The following KCNJ6 variants were observed in gnomAD, a reference collection of about 807,000 sequenced individuals.
KCNJ6 encodes the protein G protein-activated inward rectifier potassium channel 2.
KCNJ6 carries 9 observed loss-of-function variants against 34.2 expected under a neutral mutation model. The ratio of observed to expected loss-of-function variants is 0.26; its 90% CI spans 0.16 to 0.46. KCNJ6 has a LOEUF of 0.46. Ranked by LOEUF, KCNJ6 falls within the 20% of genes least tolerant of loss-of-function variation. The pLI, the probability that KCNJ6 is intolerant of heterozygous loss-of-function variation, is 1.00. For synonymous variants in KCNJ6, 196 were observed against 207.1 expected, an observed-to-expected ratio of 0.95 and a Z score of 0.46; for missense variants, 236 against 531.3, an observed-to-expected ratio of 0.44 and a Z score of 5.46.
Position 37,915,395 on chromosome 21 carries a change from C to G in KCNJ6, c.-28+489G>C, listed in dbSNP as rs114844861. On this transcript the variant is annotated intron_variant, in intron 1 of 3. Transcript: ENST00000609713. ...TTACAGTATTCTGTTTCCCATTCTC[C>G]GCATGTTTCTCCCCAACCCTCACTT... Among the ~76,000 whole-genome samples, 247 of 152,242 alleles carry G rather than the reference C, an allele frequency of 1.6e-3. 3 individuals carry two copies. The highest frequency in any genetic ancestry group is 5.6e-3 in the African/African-American group (233 of 41,528).
At position 37,608,397 on chromosome 21, in the gene KCNJ6, A is replaced by G. The variant is rs770009178; in HGVS notation, c.*16762T>C. ...AATCTTGAATTCCTGGGCTCAAGCA[A>G]TCCTCCCACCTTGGCCTCTCAAAGT... On this transcript the variant is annotated 3_prime_UTR_variant, in exon 4 of 4. Coordinates refer to ENST00000609713, the MANE Select transcript of KCNJ6 (RefSeq NM_002240.5). The G allele has an allele frequency of 6.6e-6, 1 of 152,168 alleles. No individual in the cohort carries two copies. The highest frequency in any genetic ancestry group is 6.5e-5 in the Admixed American group (1 of 15,268). The allele number at this position is 152,168 out of a possible 1,614,324, so 9.4% of individuals were successfully genotyped here.
intron 2 of KCNJ6, among the ~76,000 whole-genome samples, chr21:37,727,855 C>T (rs1350448126): frequency 6.6e-6 from 1 of 152,046 alleles, no homozygotes; most frequent in Non-Finnish European, 1.5e-5. Flanking sequence ...TTCAAGAATG[C>T]TCTATTTCAG....
chr21:37,708,349 G>A (rs183941818), intron 3 of KCNJ6, among the ~76,000 whole-genome samples: 4 of 152,284 alleles, frequency 2.6e-5, no homozygotes, highest in East Asian at 1.9e-4. Context: ...AGAACACAGT[G>A]TCCCCAAGCT....
intron 1 of KCNJ6, among the ~76,000 whole-genome samples, chr21:37,851,374 T>C (rs1001220739): frequency 1.1e-4 from 17 of 152,232 alleles, no homozygotes; most frequent in African/African-American, 3.6e-4. Flanking sequence ...TCTGTGTCAA[T>C]AGTTATAAAA....
At chr21:37,823,119 G>A (rs373068847) in intron 2 of KCNJ6, among the ~76,000 whole-genome samples, 275 of 152,208 alleles carry the variant, frequency 1.8e-3, no homozygotes, top group African/African-American at 6.4e-3. Context: ...GGAGAGAGAT[G>A]GCAGGCAGGC....
intron 2 of KCNJ6, among the ~76,000 whole-genome samples, 164 bp from the exon 3 acceptor site, chr21:37,715,295 C>CTAGTTGA (rs1171472597): frequency 1.3e-5 from 2 of 152,218 alleles, no homozygotes; most frequent in Non-Finnish European, 2.9e-5. Context: ...GGATAGGCCT[C>CTAGTTGA]TAGTTGACTT....
At chr21:37,865,747 C>T (rs1181723326) in intron 1 of KCNJ6, among the ~76,000 whole-genome samples, 1 of 152,184 alleles carries the variant, frequency 6.6e-6, no homozygotes, top group African/African-American at 2.4e-5. Context: ...AATTTGGTGA[C>T]TGGGGACTTC....
intron 2 of KCNJ6, among the ~76,000 whole-genome samples, chr21:37,729,287 G>A (rs2054871488): frequency 6.6e-6 from 1 of 151,674 alleles, no homozygotes; most frequent in Admixed American, 6.6e-5. Flanking sequence ...GTCACTCTGG[G>A]CTGGATAAAG....
intron 2 of KCNJ6, among the ~76,000 whole-genome samples, chr21:37,716,174 G>A (rs1376854250): frequency 3.3e-5 from 5 of 152,062 alleles, no homozygotes; most frequent in South Asian, 2.1e-4. Context: ...AAATTTCAGG[G>A]TTTAAAAAAC....
intron 3 of KCNJ6, among the ~76,000 whole-genome samples, chr21:37,654,586 T>C (rs866423656): frequency 1.3e-5 from 2 of 152,076 alleles, no homozygotes; most frequent in African/African-American, 2.4e-5. Context: ...CTGGCCACCA[T>C]GCAGGGCCTG....
intron 1 of KCNJ6, among the ~76,000 whole-genome samples, chr21:37,862,232 A>G (rs1034095197): frequency 6.6e-6 from 1 of 152,188 alleles, no homozygotes; most frequent in Non-Finnish European, 1.5e-5. Context: ...TCCCCCAAAC[A>G]TTGTGTGTGA....
chr21:37,793,158 GT>G (rs1224426218), intron 2 of KCNJ6, among the ~76,000 whole-genome samples: 2 of 152,310 alleles, frequency 1.3e-5, no homozygotes, highest in East Asian at 3.9e-4. Context: ...TGGTTGAAGT[GT>G]TATTTCTAGA....
At chr21:37,753,927 A>G (rs1419101875) in intron 2 of KCNJ6, among the ~76,000 whole-genome samples, 1 of 152,210 alleles carries the variant, frequency 6.6e-6, no homozygotes, top group Non-Finnish European at 1.5e-5. Context: ...TATTACATTG[A>G]GAACAAGGCT....
intron 2 of KCNJ6, among the ~76,000 whole-genome samples, chr21:37,827,595 A>G (rs1006879588): frequency 2.6e-5 from 4 of 152,156 alleles, no homozygotes; most frequent in Non-Finnish European, 4.4e-5. Context: ...AACAATATGA[A>G]TATTATTATA....
chr21:37,832,961 T>C (rs1390228378), intron 2 of KCNJ6, among the ~76,000 whole-genome samples: 1 of 152,100 alleles, frequency 6.6e-6, no homozygotes, highest in Admixed American at 6.5e-5. Flanking sequence ...TCCCCAGCCA[T>C]TGCTGAGAGT....
At chr21:37,654,915 G>T (rs1019491900) in intron 3 of KCNJ6, among the ~76,000 whole-genome samples, 2 of 152,178 alleles carry the variant, frequency 1.3e-5, no homozygotes, top group Non-Finnish European at 2.9e-5. Context: ...AAGGCCAATG[G>T]GTAGGCCTGT....
chr21:37,809,908 G>A (rs117704446), intron 2 of KCNJ6, among the ~76,000 whole-genome samples: 1 of 152,322 alleles, frequency 6.6e-6, no homozygotes, highest in Non-Finnish European at 1.5e-5. Context: ...AGCACAAAGT[G>A]GCAGAAGCCT....
At chr21:37,677,849 C>T (rs2054573760) in intron 3 of KCNJ6, among the ~76,000 whole-genome samples, 1 of 148,378 alleles carries the variant, frequency 6.7e-6, no homozygotes, top group Non-Finnish European at 1.5e-5. Flanking sequence ...ACTCATTCAC[C>T]CATTCATCAA....
intron 2 of KCNJ6, among the ~76,000 whole-genome samples, chr21:37,731,253 G>A (rs139761860): frequency 6.6e-6 from 1 of 152,170 alleles, no homozygotes; most frequent in African/African-American, 2.4e-5. Context: ...TGGAGTGAAA[G>A]ATTTAAGGGG....
Sources: gnomAD v4.1 joint callset for allele counts (sites outside exome capture counted in the v4.1 genomes callset) on GRCh38, gnomAD v4.1.1 for gene constraint, MANE v1.5 for transcripts, NCBI Gene and HGNC (gene_info 2026-07-23, HGNC 2026-07-21) for gene names.